TRMT11: variants seen among roughly 807,000 people sequenced by gnomAD.
The protein encoded by TRMT11 is tRNA (guanine(10)-N(2))-methyltransferase TRMT11.
TRMT11 carries 53 observed loss-of-function variants against 62.8 expected under a neutral mutation model. The observed-to-expected ratio is 0.84, with a 90% CI of 0.68 to 1.06. TRMT11 has a LOEUF of 1.06. TRMT11 is among the 50% of genes least tolerant of loss of function. TRMT11 has a pLI of 0.00. For missense variants in TRMT11, 556 were observed against 553.4 expected (o/e 1.00, Z -0.05); for synonymous variants, 188 against 190.3 (o/e 0.99, Z 0.10).
chr6:126,199,576 T>A (rs1778711677), intron 2 of TRMT11, among the ~76,000 whole-genome samples: 2 of 152,222 alleles, frequency 1.3e-5, no homozygotes, highest in Admixed American at 6.5e-5. Context: ...ATTTAGTTTG[T>A]CACAAATTAA....
intron 6 of TRMT11, 30 bp downstream of exon 6, chr6:125,998,714 G>T (rs765453710): frequency 6.2e-7 from 1 of 1,600,396 alleles, no homozygotes; most frequent in East Asian, 2.2e-5. Context: ...ACCTATGTCA[G>T]TTTGTTTTTT....
At chr6:126,105,158 A>G (rs921944926) in intron 17 of TRMT11, among the ~76,000 whole-genome samples, 1 of 152,202 alleles carries the variant, frequency 6.6e-6, no homozygotes, top group Non-Finnish European at 1.5e-5. Context: ...TCAGAACATT[A>G]TAAATTTTAT....
the TRMT11 span, among the ~76,000 whole-genome samples, chr6:126,217,368 T>C: frequency 6.6e-6 from 1 of 152,144 alleles, no homozygotes; most frequent in African/African-American, 2.4e-5. Flanking sequence ...TTTGTACCCA[T>C]TTTTCTTGGG....
intron 21 of TRMT11, among the ~76,000 whole-genome samples, chr6:126,119,409 A>T (rs945568555): frequency 4.0e-5 from 6 of 151,652 alleles, no homozygotes; most frequent in Non-Finnish European, 5.9e-5. Context: ...ATAAATGGCC[A>T]TAGTCCTGGG....
chr6:126,011,535 T>C (rs1163254180), intron 9 of TRMT11, 118 bp downstream of exon 9: 1 of 781,156 alleles, frequency 1.3e-6, no homozygotes, highest in East Asian at 2.7e-5. Flanking sequence ...ATTTCTCCCA[T>C]CTACCCCCAG....
chr6:126,065,073 A>G (rs1283352424), intron 17 of TRMT11, among the ~76,000 whole-genome samples: 2 of 152,182 alleles, frequency 1.3e-5, no homozygotes, highest in Admixed American at 6.5e-5. Context: ...GCAGAAGTGT[A>G]TAGAGCCACC....
chr6:126,235,646 A>G, the TRMT11 span, among the ~76,000 whole-genome samples: 1,272 of 152,322 alleles, frequency 8.4e-3, 7 homozygotes, highest in Middle Eastern at 0.034. Flanking sequence ...TGGGTGCTGA[A>G]TGATGAGAAC....
At chr6:126,026,251 A>G (rs758200506) in intron 12 of TRMT11, among the ~76,000 whole-genome samples, 3 of 152,222 alleles carry the variant, frequency 2.0e-5, no homozygotes, top group Non-Finnish European at 4.4e-5. Flanking sequence ...AGTAAGTGGA[A>G]GAGTTGAGAC....
chr6:126,109,440 A>T (rs1312576673), intron 17 of TRMT11, among the ~76,000 whole-genome samples: 1 of 152,178 alleles, frequency 6.6e-6, no homozygotes, highest in East Asian at 1.9e-4. Context: ...GATTGCACCG[A>T]AGTTACACCC....
At chr6:126,115,071 T>A (rs1203197286) in intron 19 of TRMT11, among the ~76,000 whole-genome samples, 1 of 152,092 alleles carries the variant, frequency 6.6e-6, no homozygotes, top group East Asian at 1.9e-4. Flanking sequence ...CCCCTCCATA[T>A]ACTGTGCTCC....
intron 11 of TRMT11, among the ~76,000 whole-genome samples, chr6:126,018,146 A>G (rs1256193994): frequency 6.6e-6 from 1 of 152,222 alleles, no homozygotes; most frequent in Non-Finnish European, 1.5e-5. Flanking sequence ...CATTAATTAA[A>G]AATTTTTAAA....
chr6:126,144,772 T>G (rs1777955986), intron 21 of TRMT11, among the ~76,000 whole-genome samples: 2 of 152,226 alleles, frequency 1.3e-5, no homozygotes, highest in African/African-American at 4.8e-5. Flanking sequence ...TTGTTTTTGA[T>G]GAATCAAGCT....
chr6:126,101,606 G>GT (rs1280728173), intron 17 of TRMT11, among the ~76,000 whole-genome samples: 2 of 152,180 alleles, frequency 1.3e-5, no homozygotes, highest in Non-Finnish European at 2.9e-5. Context: ...CAACTCAGTT[G>GT]TTCAGGTCTT....
intron 7 of TRMT11, among the ~76,000 whole-genome samples, chr6:126,000,667 C>T (rs1000676154): frequency 2.0e-5 from 3 of 152,080 alleles, no homozygotes; most frequent in African/African-American, 7.2e-5. Context: ...CATGTACTAA[C>T]TTAAGGAATA....
At chr6:126,266,334 T>C in the TRMT11 span, among the ~76,000 whole-genome samples, 7 of 152,204 alleles carry the variant, frequency 4.6e-5, no homozygotes, top group Non-Finnish European at 1.0e-4. Flanking sequence ...AAATCACTTA[T>C]TAGCATGTTC....
intron 1 of TRMT11, among the ~76,000 whole-genome samples, chr6:126,184,937 A>T (rs963323884): frequency 1.3e-5 from 2 of 152,182 alleles, no homozygotes; most frequent in African/African-American, 2.4e-5. Flanking sequence ...AGCAGAAAGG[A>T]GTGACAGACC....
intron 17 of TRMT11, among the ~76,000 whole-genome samples, chr6:126,074,914 A>C (rs1776973572): frequency 2.0e-5 from 3 of 152,298 alleles, no homozygotes; most frequent in Admixed American, 6.5e-5. Flanking sequence ...TAATTTATTG[A>C]AGTATATAAA....
At chr6:125,999,323 TTAAA>T in intron 6 of TRMT11, 130 bp from the exon 7 acceptor site, 1 of 552,890 alleles carries the variant, frequency 1.8e-6, no homozygotes, top group South Asian at 4.8e-5. Context: ...TTACATTATT[TTAAA>T]TAAATAAGTT....
the TRMT11 span, among the ~76,000 whole-genome samples, chr6:126,256,468 C>G: frequency 1.3e-5 from 2 of 152,182 alleles, no homozygotes; most frequent in Non-Finnish European, 2.9e-5. Flanking sequence ...TTCTCGTCAT[C>G]TAAATCAGGT....
Sources: allele counts gnomAD v4.1 joint callset (sites outside exome capture counted in the v4.1 genomes callset), GRCh38; gene constraint gnomAD v4.1.1; transcripts MANE v1.5; gene names NCBI Gene and HGNC (gene_info 2026-07-23, HGNC 2026-07-21).